Variants in NALF1 observed in about 807,000 individuals in gnomAD.
NALF1 encodes the protein family with sequence similarity 155 member A.
A neutral mutation model predicts 48.4 loss-of-function variants in NALF1; 3 were observed. The observed-to-expected ratio is 0.06, with a 90% CI of 0.03 to 0.16. The LOEUF is 0.16. NALF1 is among the 10% of genes least tolerant of loss of function. The probability of loss-of-function intolerance (pLI) is 1.00; values close to 1 mark genes in which losing one functional copy is unlikely to be tolerated. For missense variants in NALF1, 526 were observed against 571.5 expected, an observed-to-expected ratio of 0.92 and a Z score of 0.81; for synonymous variants, 262 against 245.7, an observed-to-expected ratio of 1.07 and a Z score of -0.62.
chr13:107,304,977 G>A (rs2138896963), intron 1 of NALF1, among the ~76,000 whole-genome samples: 1 of 152,328 alleles, frequency 6.6e-6, no homozygotes, highest in East Asian at 1.9e-4. Flanking sequence ...ATAACCAAAT[G>A]AGGTTTTTCA....
chr13:107,492,089 C>G (rs866693441), intron 1 of NALF1, among the ~76,000 whole-genome samples: 1 of 133,028 alleles, frequency 7.5e-6, no homozygotes, highest in African/African-American at 2.9e-5. Context: ...GTCGCCCAGG[C>G]TGGAGGACAG....
chr13:107,849,746 C>T (rs1387218888), intron 1 of NALF1, among the ~76,000 whole-genome samples: 4 of 152,184 alleles, frequency 2.6e-5, no homozygotes, highest in South Asian at 2.1e-4. Flanking sequence ...CACTGTGTTT[C>T]GTAACCACCC....
chr13:107,265,247 C>T (rs1053714997), intron 1 of NALF1, among the ~76,000 whole-genome samples: 1 of 152,136 alleles, frequency 6.6e-6, no homozygotes, highest in Admixed American at 6.5e-5. Flanking sequence ...GTCTTCTCTG[C>T]ATTGATTTGT....
chr13:107,341,555 T>A (rs1449502393), intron 1 of NALF1, among the ~76,000 whole-genome samples: 1 of 151,870 alleles, frequency 6.6e-6, no homozygotes, highest in African/African-American at 2.4e-5. Flanking sequence ...ATGGAGGTGG[T>A]GAGGATTAAA....
At chr13:107,370,414 G>A (rs985388661) in intron 1 of NALF1, among the ~76,000 whole-genome samples, 1 of 152,126 alleles carries the variant, frequency 6.6e-6, no homozygotes, top group African/African-American at 2.4e-5. Context: ...CTAAAACTGA[G>A]GAATCTCAAA....
intron 1 of NALF1, among the ~76,000 whole-genome samples, chr13:107,401,146 G>A (rs183856208): frequency 2.6e-5 from 4 of 152,236 alleles, no homozygotes; most frequent in Admixed American, 6.5e-5. Context: ...ATTCTGAGTG[G>A]CATGATGAAA....
chr13:107,608,115 A>G (rs1879121532), intron 1 of NALF1, among the ~76,000 whole-genome samples: 1 of 152,218 alleles, frequency 6.6e-6, no homozygotes, highest in Non-Finnish European at 1.5e-5. Context: ...AACAACTTTA[A>G]TGTCTTATTT....
intron 1 of NALF1, among the ~76,000 whole-genome samples, chr13:107,408,781 T>G (rs935056747): frequency 5.3e-5 from 8 of 152,248 alleles, no homozygotes; most frequent in Admixed American, 3.9e-4. Context: ...ACACAGTGAA[T>G]AAATGATATA....
intron 1 of NALF1, among the ~76,000 whole-genome samples, chr13:107,607,367 T>C (rs1879101333): frequency 6.6e-6 from 1 of 151,816 alleles, no homozygotes; most frequent in South Asian, 2.1e-4. Context: ...AATAAACATA[T>C]GGATAATGCA....
chr13:107,390,393 C>T (rs1275919442), intron 1 of NALF1, among the ~76,000 whole-genome samples: 1 of 151,318 alleles, frequency 6.6e-6, no homozygotes, highest in South Asian at 2.1e-4. Flanking sequence ...ATTAAAAATA[C>T]CTTTCCTTTT....
At chr13:107,519,322 G>A (rs371068672) in intron 1 of NALF1, among the ~76,000 whole-genome samples, 3 of 150,294 alleles carry the variant, frequency 2.0e-5, no homozygotes, top group Admixed American at 6.6e-5. Context: ...GAATGAAGAA[G>A]AGAATTCTTA....
chr13:107,242,427 G>T (rs1272527797), intron 1 of NALF1, among the ~76,000 whole-genome samples: 4 of 152,236 alleles, frequency 2.6e-5, no homozygotes, highest in Non-Finnish European at 5.9e-5. Context: ...GAATTAAAGG[G>T]AAAGGTGGAA....
intron 2 of NALF1, among the ~76,000 whole-genome samples, chr13:107,189,568 A>G (rs1879241000): frequency 6.6e-6 from 1 of 152,176 alleles, no homozygotes; most frequent in South Asian, 2.1e-4. Context: ...CCAACCATCC[A>G]AGCAAAGCAG....
intron 1 of NALF1, among the ~76,000 whole-genome samples, chr13:107,636,653 G>C (rs1166992541): frequency 6.6e-6 from 1 of 151,986 alleles, no homozygotes; most frequent in Admixed American, 6.6e-5. Flanking sequence ...AAGGGAAATA[G>C]ACTTTAAAGT....
At position 107,406,113 on chromosome 13, in the gene NALF1, G is replaced by A. The variant is rs186652745; in HGVS notation, c.916-195358C>T. ...TCCAACCAACCAACACATCATTTAG[G>A]ATACAACAAACACATCTAGGAAAAG... On this transcript the variant is annotated intron_variant, in intron 1 of 2. Coordinates refer to ENST00000375915, the MANE Select transcript of NALF1 (RefSeq NM_001080396.3). 1.4e-3 allele frequency among the ~76,000 whole-genome samples: 206 copies of A among 152,030 alleles called. 1 individual carries two copies. The highest frequency in any genetic ancestry group is 4.7e-3 in the African/African-American group (195 of 41,532).
intron 1 of NALF1, among the ~76,000 whole-genome samples, chr13:107,516,427 C>T (rs1876055485): frequency 6.6e-6 from 1 of 152,134 alleles, no homozygotes; most frequent in Non-Finnish European, 1.5e-5. Flanking sequence ...AGGAAGTTGA[C>T]TTTAAATATA....
At chr13:107,631,209 A>G (rs1049137526) in intron 1 of NALF1, among the ~76,000 whole-genome samples, 2 of 151,934 alleles carry the variant, frequency 1.3e-5, no homozygotes, top group Admixed American at 6.6e-5. Context: ...TGTTGCCCAG[A>G]CTTCAAATAT....
chr13:107,216,489 C>G (rs996525919), intron 1 of NALF1, among the ~76,000 whole-genome samples: 1 of 152,192 alleles, frequency 6.6e-6, no homozygotes, highest in Admixed American at 6.5e-5. Context: ...CGGTAAGCAG[C>G]GCTCTGAGCT....
At chr13:107,278,781 A>G (rs2138870535) in intron 1 of NALF1, among the ~76,000 whole-genome samples, 1 of 152,352 alleles carries the variant, frequency 6.6e-6, no homozygotes, top group South Asian at 2.1e-4. Flanking sequence ...AAAAGCTTAA[A>G]GAATATGCTA....
Sources: gnomAD v4.1 joint callset for allele counts (sites outside exome capture counted in the v4.1 genomes callset) on GRCh38, gnomAD v4.1.1 for gene constraint, MANE v1.5 for transcripts, NCBI Gene and HGNC (gene_info 2026-07-23, HGNC 2026-07-21) for gene names.